IKBKE: variants seen among roughly 807,000 people sequenced by gnomAD.
IKBKE encodes inhibitor of nuclear factor kappa-B kinase subunit epsilon.
A neutral mutation model predicts 92.1 loss-of-function variants in IKBKE; 45 were observed. The observed-to-expected ratio is 0.49, with a 90% CI of 0.38 to 0.63. The LOEUF is 0.63. Ranked by LOEUF, IKBKE falls within the 20% of genes least tolerant of loss-of-function variation. The pLI, the probability that IKBKE is intolerant of heterozygous loss-of-function variation, is 0.00. For missense variants in IKBKE, 700 were observed against 932.8 expected (o/e 0.75, Z 3.25); for synonymous variants, 374 against 380.3 (o/e 0.98, Z 0.19).
intron 21 of IKBKE, among the ~76,000 whole-genome samples, chr1:206,494,729 G>C (rs1487137507): frequency 6.8e-6 from 1 of 147,356 alleles, no homozygotes; most frequent in African/African-American, 2.5e-5. Flanking sequence ...TCAGCCTCCT[G>C]AGTAGCCAGG....
chr1:206,470,977 C>T (rs535252467), intron 1 of IKBKE, among the ~76,000 whole-genome samples, 179 bp from the exon 2 acceptor site: 11 of 152,296 alleles, frequency 7.2e-5, no homozygotes, highest in South Asian at 2.1e-4. Context: ...GAGTAGGAGA[C>T]GCTGGGAAAG....
intron 18 of IKBKE, chr1:206,492,310 G>A: frequency 2.5e-6 from 1 of 395,578 alleles, no homozygotes; most frequent in South Asian, 1.9e-5. Flanking sequence ...TCCATCCCCT[G>A]CCTGTGTGAA....
chr1:206,475,122 T>TA (rs1294091710), intron 5 of IKBKE, 128 bp downstream of exon 5: 29 of 1,007,532 alleles, frequency 2.9e-5, no homozygotes, highest in Middle Eastern at 3.3e-4. Flanking sequence ...AAATTAAACC[T>TA]AAAAAAGATT....
chr1:206,493,115 G>A lies in IKBKE; in HGVS notation c.1928G>A (p.Ser643Asn). 3.1e-6 allele frequency: 5 copies of A among 1,588,776 alleles called. No individual in the cohort carries two copies. The highest frequency in any genetic ancestry group is 1.1e-5 in the South Asian group (1 of 87,872). The stretch of plus-strand genomic sequence containing the variant: ...GCCCAGGGGGTCCAGGAGAGTCTCA[G>A]CAAGGTGGGCATGGCAGAAGGATTC... The part of the protein sequence containing the change: ...TEAQGVQESL[S>N]KLLEELSHQL... The change falls in exon 19 of 22, where the codon AGC becomes AAC. Residue 643 changes from serine to asparagine, a missense_variant. Ser to Asn is a conservative substitution (Grantham distance 46). Coordinates refer to ENST00000581977, the MANE Select transcript of IKBKE (RefSeq NM_014002.4).
In IKBKE at chr1:206,487,547, C is replaced by G. The variant is rs1572259522; in HGVS notation, c.1617-367C>G. Among the ~76,000 whole-genome samples the G allele has an allele frequency of 1.3e-5, 2 of 152,170 alleles. No individual in the cohort carries two copies. The highest frequency in any genetic ancestry group is 4.8e-5 in the African/African-American group (2 of 41,440). ...CCCAGCTGTCACTGCCAGACACGCT[C>G]TTAGGTTTCAGGGGCCTAGGCTCCT... On this transcript the variant is annotated intron_variant, in intron 15 of 21. Transcript: ENST00000581977. The surrounding 1 kb of genome is among the most constrained non-coding windows in gnomAD (Gnocchi z 5.3).
In IKBKE at chr1:206,478,463, A is replaced by C; in HGVS notation, c.992+124A>C. On this transcript the variant is annotated intron_variant, in intron 9 of 21. Transcript: ENST00000581977. The surrounding 1 kb of genome is among the most constrained non-coding windows in gnomAD (Gnocchi z 4.8). ...TGTACATAGGAACGCTTCCAGGTCC[A>C]AACGTAGTTGGGAAAAGACTAGTTC... 1 of 986,308 alleles carries C rather than the reference A, an allele frequency of 1.0e-6. No homozygotes were observed. Among genetic ancestry groups the C allele is most frequent in the Non-Finnish European group, 1.5e-6 (1 of 652,218 alleles). The allele number at this position is 986,308 out of a possible 1,614,324, so 61.1% of individuals were successfully genotyped here.
chr1:206,492,257 C>T, intron 18 of IKBKE: 1 of 367,976 alleles, frequency 2.7e-6, no homozygotes, highest in Non-Finnish European at 5.5e-6. Context: ...ACACTGTCCC[C>T]TTCAGGAGTT....
At position 206,493,941 on chromosome 1, in the gene IKBKE, GA is replaced by G; in HGVS notation, c.2068del (p.Met690Ter). 1 of 1,614,110 alleles carries G rather than the reference GA, an allele frequency of 6.2e-7. No individual in the cohort carries two copies. The highest frequency in any genetic ancestry group is 8.5e-7 in the Non-Finnish European group (1 of 1,179,966). ...LLHMQELCEG[M>X]KLLASDLLDN... ...GCAGCATGCAAGAGCTCTGCGAGGG[GA>G]TGAAGCTGCTGGCATCTGACCTCCT... On this transcript the variant is annotated frameshift_variant, in exon 21 of 22. Transcript: ENST00000581977. LOFTEE classifies it high-confidence loss of function.
intron 13 of IKBKE, among the ~76,000 whole-genome samples, chr1:206,483,891 C>A (rs1288257397): frequency 6.6e-6 from 1 of 151,636 alleles, no homozygotes; most frequent in African/African-American, 2.4e-5. Flanking sequence ...TTGTCTTGTC[C>A]TTCTTTCTCA....
In IKBKE at chr1:206,478,126, C is replaced by CA. The variant is rs1303301703; in HGVS notation, c.813-33dup. The CA allele has an allele frequency of 6.3e-7, 1 of 1,595,880 alleles. No individual in the cohort carries two copies. Among genetic ancestry groups the CA allele is most frequent in the Non-Finnish European group, 8.6e-7 (1 of 1,167,568 alleles). Reference sequence around the variant, plus strand: ...CTTAAGGAGGATAGGTCTGGGCCCCCACCCCTGACAGTCTCCATGTCCTGG... The same window carrying CA: ...CTTAAGGAGGATAGGTCTGGGCCCCCAACCCCTGACAGTCTCCATGTCCTGG... On this transcript the variant is annotated intron_variant, in intron 8 of 21. Transcript: ENST00000581977. The surrounding 1 kb of genome is among the most constrained non-coding windows in gnomAD (Gnocchi z 4.8).
rs1373113091 is a variant in IKBKE at position 206,471,201 on chromosome 1, G to T, written c.-77G>T. ...CAGACAGAAAGCATAACATACACTC[G>T]CCAGGAAGAGCCTTTGCCTGACTCA... On this transcript the variant is annotated 5_prime_UTR_variant, in exon 2 of 22. Transcript: ENST00000581977. 1.3e-5 allele frequency: 2 copies of T among 152,366 alleles called. No individual in the cohort carries two copies. The highest frequency in any genetic ancestry group is 3.9e-4 in the East Asian group (2 of 5,182). The allele number at this position is 152,366 out of a possible 1,614,324, so 9.4% of individuals were successfully genotyped here. A position where few individuals can be genotyped will look rare whatever the true frequency, so the allele number is the denominator to read the frequency against.
intron 7 of IKBKE, 105 bp from the exon 8 acceptor site, chr1:206,477,644 A>G: frequency 1.5e-6 from 1 of 663,278 alleles, no homozygotes; most frequent in Non-Finnish European, 2.6e-6. Flanking sequence ...ACTTTGGGGT[A>G]GCTGGGTGAC....
Position 206,496,820 on chromosome 1 carries a change from AC to A in IKBKE, c.*676del, listed in dbSNP as rs1234228716. 1 of 230,846 alleles carries A rather than the reference AC, an allele frequency of 4.3e-6. No individual in the cohort carries two copies. The highest frequency in any genetic ancestry group is 8.6e-6 in the Non-Finnish European group (1 of 116,688). The allele number at this position is 230,846 out of a possible 1,614,324, so 14.3% of individuals were successfully genotyped here. On this transcript the variant is annotated 3_prime_UTR_variant, in exon 22 of 22. Transcript: ENST00000581977. ...GCTGGTCCTGGGACATGCAGCCAGG[AC>A]TGTGAGTCTGGGCAGGTCCAAGGCC...
chr1:206,489,371 A>ATATATATATGTGTGTG (rs1665826242), intron 16 of IKBKE, among the ~76,000 whole-genome samples: 1 of 32,224 alleles, frequency 3.1e-5, no homozygotes, highest in African/African-American at 9.7e-5. Context: ...GTGTGTGTGT[A>ATATATATATGTGTGTG]TATATATATA....
chr1:206,493,207 C>CAGCA, intron 19 of IKBKE, 59 bp from the exon 20 acceptor site: 1 of 1,563,496 alleles, frequency 6.4e-7, no homozygotes, highest in Non-Finnish European at 8.8e-7. Flanking sequence ...AGCACTCCCC[C>CAGCA]TACCCAGCCA....
intron 20 of IKBKE, 94 bp from the exon 21 acceptor site, chr1:206,493,826 G>A (rs1436135000): frequency 2.3e-5 from 20 of 875,152 alleles, no homozygotes; most frequent in Non-Finnish European, 3.6e-5. Context: ...GGCTTCTTTG[G>A]TGGGGCTGCA....
intron 15 of IKBKE, among the ~76,000 whole-genome samples, chr1:206,486,323 G>A (rs184691120): frequency 3.9e-5 from 6 of 152,140 alleles, no homozygotes; most frequent in East Asian, 1.9e-4. Context: ...CTGAGGCCCC[G>A]TCCTTTTGGA....
Position 206,478,053 on chromosome 1 carries a change from TTG to T in IKBKE, c.813-106_813-105del. 1 of 633,782 alleles carries T rather than the reference TTG, an allele frequency of 1.6e-6. No homozygotes were observed. The highest frequency in any genetic ancestry group is 2.7e-6 in the Non-Finnish European group (1 of 373,116). 39.3% of individuals were successfully genotyped at this position (633,782 alleles called of 1,614,324 possible). ...CCCCAACCCACCCTGCCCCACCATCTTGGTCCTAGCTCTTCAGGATATTCTCT... is the reference window on the plus strand; with the variant it reads ...CCCCAACCCACCCTGCCCCACCATCTGTCCTAGCTCTTCAGGATATTCTCT... On this transcript the variant is annotated intron_variant, in intron 8 of 21. Transcript: ENST00000581977. The surrounding 1 kb of genome is among the most constrained non-coding windows in gnomAD (Gnocchi z 4.8).
rs923224746 is a variant in IKBKE at position 206,490,498 on chromosome 1, C to A, written c.1694-321C>A. Among the ~76,000 whole-genome samples the A allele has an allele frequency of 2.0e-5, 3 of 152,296 alleles. No individual in the cohort carries two copies. The East Asian group carries it at 5.8e-4, about 29-fold the overall frequency. On this transcript the variant is annotated intron_variant, in intron 16 of 21. Transcript: ENST00000581977. The surrounding 1 kb of genome is among the most constrained non-coding windows in gnomAD (Gnocchi z 5.2). Reference sequence around the variant, plus strand: ...GGATAAGGGGCTATGGTTGACCGAGCCTCCTTCTAAGCCCACTTCATCCAC... The same window carrying A: ...GGATAAGGGGCTATGGTTGACCGAGACTCCTTCTAAGCCCACTTCATCCAC...
Sources: gnomAD v4.1 joint callset for allele counts (sites outside exome capture counted in the v4.1 genomes callset) on GRCh38, gnomAD v4.1.1 for gene constraint, Gnocchi (gnomAD v3.1) non-coding constraint, MANE v1.5 for transcripts, NCBI Gene and HGNC (gene_info 2026-07-23, HGNC 2026-07-21) for gene names.